Variants in PRDM11 observed in about 807,000 individuals in gnomAD.
PRDM11 encodes the protein PR domain-containing protein 11.
A neutral mutation model predicts 97.8 loss-of-function variants in PRDM11; 20 were observed. That is an observed-to-expected ratio of 0.20 (90% CI 0.14 to 0.30). The LOEUF (loss-of-function observed/expected upper bound fraction) is 0.30. Among genes scored for constraint, PRDM11 ranks in the 10% least tolerant of loss-of-function variants. The probability of loss-of-function intolerance (pLI) is 1.00; values close to 1 mark genes in which losing one functional copy is unlikely to be tolerated. For missense variants in PRDM11, 1,139 were observed against 1,555.2 expected, an observed-to-expected ratio of 0.73 and a Z score of 4.50; for synonymous variants, 599 against 637.7, an observed-to-expected ratio of 0.94 and a Z score of 0.91.
chr11:45,146,510 G>A (rs11038329), upstream of PRDM11, among the ~76,000 whole-genome samples: 1 of 152,016 alleles, frequency 6.6e-6, no homozygotes, highest in South Asian at 2.1e-4. Context: ...TCCGGGCAGG[G>A]CGCGGGCCTA....
At position 45,146,781 on chromosome 11, in the gene PRDM11, G is replaced by C. The variant is rs914805243; in HGVS notation, c.-103G>C. ...CCCGCAGCGCGGCCGCTCCCTCCGC[G>C]GGGGCCGCCAGCCGAGGCCGCGCCG... On this transcript the variant is annotated 5_prime_UTR_variant, in exon 1 of 8. Transcript: ENST00000683152. The C allele has an allele frequency of 2.7e-5, 4 of 145,658 alleles. No individual in the cohort carries two copies. The highest frequency in any genetic ancestry group is 6.1e-5 in the Non-Finnish European group (4 of 65,320). The allele number at this position is 145,658 out of a possible 1,614,324, so 9.0% of individuals were successfully genotyped here. A position where few individuals can be genotyped will look rare whatever the true frequency, so the allele number is the denominator to read the frequency against.
chr11:45,157,821 G>A (rs769550526), intron 1 of PRDM11, among the ~76,000 whole-genome samples: 1 of 152,228 alleles, frequency 6.6e-6, no homozygotes, highest in Non-Finnish European at 1.5e-5. Context: ...AACGTGGACT[G>A]GTGGGCTGTC....
chr11:45,152,364 G>A (rs987922928), intron 1 of PRDM11, among the ~76,000 whole-genome samples: 3 of 152,160 alleles, frequency 2.0e-5, no homozygotes, highest in African/African-American at 7.2e-5. Flanking sequence ...ACCGGGCCTG[G>A]CCATGGGTAC....
intron 1 of PRDM11, among the ~76,000 whole-genome samples, chr11:45,150,266 C>T (rs910979800): frequency 1.3e-5 from 2 of 152,210 alleles, no homozygotes; most frequent in African/African-American, 4.8e-5. Flanking sequence ...AGGCTGAATT[C>T]CCTTCTTTAT....
At chr11:45,103,578 G>A (rs1006129608) in intron 1 of PRDM11, among the ~76,000 whole-genome samples, 1 of 151,970 alleles carries the variant, frequency 6.6e-6, no homozygotes, top group Non-Finnish European at 1.5e-5. Flanking sequence ...ACCTTTGGCA[G>A]GGTATTGACC....
At chr11:45,141,896 G>C (rs1851412246), upstream of PRDM11, among the ~76,000 whole-genome samples, 1 of 152,138 alleles carries the variant, frequency 6.6e-6, no homozygotes, top group South Asian at 2.1e-4. Context: ...GGGAGTTTTT[G>C]TTGTTTCAGC....
At chr11:45,160,354 CAAAT>C (rs1851899216) in intron 1 of PRDM11, among the ~76,000 whole-genome samples, 1 of 152,222 alleles carries the variant, frequency 6.6e-6, no homozygotes, top group African/African-American at 2.4e-5. Flanking sequence ...CAAATATTAA[CAAAT>C]AAACTAAAGT....
At chr11:45,154,736 G>A (rs1302936987) in intron 1 of PRDM11, among the ~76,000 whole-genome samples, 5 of 152,230 alleles carry the variant, frequency 3.3e-5, no homozygotes, top group South Asian at 2.1e-4. Flanking sequence ...ACCTTCTCCC[G>A]ATCCCTGATC....
At position 45,228,294 on chromosome 11, in the gene PRDM11, C is replaced by A; in HGVS notation, c.*135C>A. 3.1e-6 allele frequency: 1 copy of A among 321,372 alleles called. No individual in the cohort carries two copies. Among genetic ancestry groups the A allele is most frequent in the Non-Finnish European group, 4.6e-6 (1 of 216,284 alleles). 19.9% of individuals were successfully genotyped at this position (321,372 alleles called of 1,614,324 possible). ...ATATATATATATATATAAACTCACA[C>A]TGAAAATTTTTAAAAACCAAGGTGA... On this transcript the variant is annotated 3_prime_UTR_variant, in exon 8 of 8. Coordinates refer to ENST00000683152, the MANE Select transcript of PRDM11 (RefSeq NM_001384648.1).
At position 45,229,839 on chromosome 11, in the gene PRDM11, T is replaced by G. The variant is rs971103172; in HGVS notation, c.*1680T>G. The G allele has an allele frequency of 2.0e-5, 3 of 152,174 alleles. No homozygotes were observed. Among genetic ancestry groups the G allele is most frequent in the African/African-American group, 4.8e-5 (2 of 41,418 alleles). 9.4% of individuals were successfully genotyped at this position (152,174 alleles called of 1,614,324 possible). On this transcript the variant is annotated 3_prime_UTR_variant, in exon 8 of 8. Transcript: ENST00000683152. ...ATCTCTTGGTTGGCAGAGGGTGGTG[T>G]TATCTGGCCACAGGCAAGGCCCCAA...
intron 1 of PRDM11, among the ~76,000 whole-genome samples, chr11:45,119,338 G>A (rs541649840): frequency 2.2e-4 from 34 of 152,218 alleles, no homozygotes; most frequent in African/African-American, 7.9e-4. Flanking sequence ...TGAAAAACCT[G>A]GTAAGGCGGC....
At chr11:45,125,559 C>T (rs1350066159) in intron 1 of PRDM11, among the ~76,000 whole-genome samples, 1 of 152,144 alleles carries the variant, frequency 6.6e-6, no homozygotes, top group African/African-American at 2.4e-5. Context: ...TCATTGGTTT[C>T]AAAGAACATC....
At chr11:45,117,924 A>T (rs1438428439) in intron 1 of PRDM11, among the ~76,000 whole-genome samples, 2 of 152,204 alleles carry the variant, frequency 1.3e-5, no homozygotes, top group Admixed American at 6.5e-5. Context: ...GCCAACATTA[A>T]CAGTTATAGA....
chr11:45,157,629 T>C (rs1047631768), intron 1 of PRDM11, among the ~76,000 whole-genome samples: 11 of 152,194 alleles, frequency 7.2e-5, no homozygotes, highest in African/African-American at 2.4e-4. Context: ...GTGGAGTAGG[T>C]TGCTGATGCA....
At chr11:45,141,612 G>A (rs768859633) in intron 1 of PRDM11, among the ~76,000 whole-genome samples, 1 of 152,196 alleles carries the variant, frequency 6.6e-6, no homozygotes, top group Non-Finnish European at 1.5e-5. Flanking sequence ...CCAAGATCAT[G>A]CTAGAGACCT....
chr11:45,168,352 A>G (rs577492393), intron 1 of PRDM11, among the ~76,000 whole-genome samples: 1 of 152,250 alleles, frequency 6.6e-6, no homozygotes, highest in East Asian at 1.9e-4. Context: ...ACACTGAAAA[A>G]GAACCTCATG....
chr11:45,180,660 G>C (rs1468273334), intron 1 of PRDM11, among the ~76,000 whole-genome samples: 1 of 150,364 alleles, frequency 6.7e-6, no homozygotes, highest in Non-Finnish European at 1.5e-5. Context: ...AAGGAATGCC[G>C]GGCCTGGCGG....
At chr11:45,176,671 T>C (rs987936737) in intron 1 of PRDM11, among the ~76,000 whole-genome samples, 2 of 152,230 alleles carry the variant, frequency 1.3e-5, no homozygotes, top group African/African-American at 4.8e-5. Context: ...ATAACACTTT[T>C]AAATACATTT....
In PRDM11 at chr11:45,229,613, TTTCA is replaced by T. The variant is rs1854359659; in HGVS notation, c.*1461_*1464del. ...AACTAGAGGAGTCTGATCAATGCTC[TTTCA>T]TTCATTTAACTACCGGTATACCTCG... On this transcript the variant is annotated 3_prime_UTR_variant, in exon 8 of 8. Coordinates refer to ENST00000683152, the MANE Select transcript of PRDM11 (RefSeq NM_001384648.1). 1 of 152,230 alleles carries T rather than the reference TTTCA, an allele frequency of 6.6e-6. No individual in the cohort carries two copies. Among genetic ancestry groups the T allele is most frequent in the Non-Finnish European group, 1.5e-5 (1 of 68,036 alleles). The allele number at this position is 152,230 out of a possible 1,614,324, so 9.4% of individuals were successfully genotyped here.
Sources: gnomAD v4.1 joint callset for allele counts (sites outside exome capture counted in the v4.1 genomes callset) on GRCh38, gnomAD v4.1.1 for gene constraint, MANE v1.5 for transcripts, NCBI Gene and HGNC (gene_info 2026-07-23, HGNC 2026-07-21) for gene names.